CSMD3: variants seen among roughly 807,000 people sequenced by gnomAD.
The protein encoded by CSMD3 is CUB and Sushi multiple domains 3, also known as CUB and sushi domain-containing protein 3.
A neutral mutation model predicts 435.2 loss-of-function variants in CSMD3; 177 were observed. That is an observed-to-expected ratio of 0.41 (90% CI 0.36 to 0.46). The LOEUF (loss-of-function observed/expected upper bound fraction) is 0.46, where lower values mean the gene tolerates loss of function less well. CSMD3 is among the 20% of genes least tolerant of loss of function. The pLI is 0.34. For missense variants in CSMD3, 4,265 were observed against 4,504.6 expected, an observed-to-expected ratio of 0.95 and a Z score of 1.52; for synonymous variants, 1,656 against 1,520.5, an observed-to-expected ratio of 1.09 and a Z score of -2.07.
chr8:113,254,213 T>A (rs1481779530), intron 3 of CSMD3, among the ~76,000 whole-genome samples: 1 of 152,090 alleles, frequency 6.6e-6, no homozygotes, highest in Non-Finnish European at 1.5e-5. Flanking sequence ...GATAAGAGAG[T>A]CCTTGGTAAG....
chr8:112,349,784 C>A (rs1825980355), intron 40 of CSMD3, among the ~76,000 whole-genome samples: 1 of 152,044 alleles, frequency 6.6e-6, no homozygotes, highest in African/African-American at 2.4e-5. Context: ...ATGTACTTTG[C>A]CAATTAAACA....
chr8:113,172,136 T>C (rs2092278857), intron 4 of CSMD3, among the ~76,000 whole-genome samples: 1 of 152,188 alleles, frequency 6.6e-6, no homozygotes, highest in African/African-American at 2.4e-5. Context: ...ATCCTTTATT[T>C]CTGACTCAAC....
intron 31 of CSMD3, among the ~76,000 whole-genome samples, chr8:112,477,883 C>G (rs1253987871): frequency 6.6e-6 from 1 of 152,050 alleles, no homozygotes; most frequent in Non-Finnish European, 1.5e-5. Context: ...TGGCTGTGTC[C>G]CCAGCCAAAT....
intron 3 of CSMD3, among the ~76,000 whole-genome samples, chr8:113,253,563 T>C (rs144843997): frequency 2.2e-3 from 341 of 152,118 alleles, no homozygotes; most frequent in African/African-American, 7.9e-3. Context: ...AAAACTTGGC[T>C]GGGCGTGGTG....
intron 7 of CSMD3, among the ~76,000 whole-genome samples, chr8:112,967,172 C>A (rs542500276): frequency 1.1e-5 from 1 of 92,910 alleles, no homozygotes; most frequent in South Asian, 3.9e-4. Flanking sequence ...AAGACCTATA[C>A]TCCAAGAAAC....
At chr8:112,716,689 C>T (rs1459375394) in intron 13 of CSMD3, among the ~76,000 whole-genome samples, 2 of 152,192 alleles carry the variant, frequency 1.3e-5, no homozygotes, top group Admixed American at 6.5e-5. Context: ...TACAAGGCTA[C>T]GATTACCAAA....
intron 1 of CSMD3, among the ~76,000 whole-genome samples, chr8:113,367,342 G>A (rs1006738354): frequency 1.3e-5 from 2 of 151,696 alleles, no homozygotes; most frequent in Non-Finnish European, 2.9e-5. Context: ...CTATTATGAA[G>A]AAAGTAAAAT....
chr8:112,688,343 G>A (rs1331368510), intron 14 of CSMD3, among the ~76,000 whole-genome samples: 2 of 151,974 alleles, frequency 1.3e-5, no homozygotes, highest in East Asian at 1.9e-4. Context: ...CAATTTGTTA[G>A]TACCACACTC....
chr8:113,301,280 T>C (rs1206248636), intron 2 of CSMD3, among the ~76,000 whole-genome samples: 1 of 152,084 alleles, frequency 6.6e-6, no homozygotes, highest in Non-Finnish European at 1.5e-5. Context: ...GTTACAGACT[T>C]ATATATTATT....
At chr8:113,215,880 T>C (rs2092898936) in intron 3 of CSMD3, among the ~76,000 whole-genome samples, 1 of 151,770 alleles carries the variant, frequency 6.6e-6, no homozygotes, top group Admixed American at 6.6e-5. Flanking sequence ...TTTTATTTTA[T>C]ATCAGTCAAG....
At chr8:113,102,664 A>G (rs1217395873) in intron 4 of CSMD3, among the ~76,000 whole-genome samples, 6 of 152,136 alleles carry the variant, frequency 3.9e-5, no homozygotes, top group African/African-American at 1.4e-4. Flanking sequence ...AATAGTAAGC[A>G]GTAACTACAT....
chr8:113,265,258 G>A (rs2093460103), intron 3 of CSMD3, among the ~76,000 whole-genome samples: 1 of 151,380 alleles, frequency 6.6e-6, no homozygotes. Flanking sequence ...ATAAGTATGT[G>A]AGCCAATAAG....
intron 13 of CSMD3, among the ~76,000 whole-genome samples, chr8:112,779,283 T>A (rs1379844026): frequency 6.6e-6 from 1 of 151,966 alleles, no homozygotes; most frequent in African/African-American, 2.4e-5. Context: ...TATATTATTA[T>A]TTTAAAAGAT....
chr8:112,704,767 A>G (rs2076463303), intron 13 of CSMD3, among the ~76,000 whole-genome samples: 1 of 152,136 alleles, frequency 6.6e-6, no homozygotes, highest in Non-Finnish European at 1.5e-5. Flanking sequence ...TAATTTACAA[A>G]TGTACGTACT....
At chr8:112,399,610 C>A (rs570356686) in intron 35 of CSMD3, among the ~76,000 whole-genome samples, 40 of 152,212 alleles carry the variant, frequency 2.6e-4, no homozygotes, top group South Asian at 4.2e-4. Flanking sequence ...TCAAGAGAAG[C>A]CAAGCTGAAC....
At chr8:112,739,900 A>T (rs1445015976) in intron 13 of CSMD3, among the ~76,000 whole-genome samples, 1 of 151,830 alleles carries the variant, frequency 6.6e-6, no homozygotes, top group African/African-American at 2.4e-5. Context: ...TAATCTGGAT[A>T]TTATGCATAT....
intron 2 of CSMD3, chr8:113,309,916 A>C (rs987646286): frequency 3.3e-5 from 5 of 152,220 alleles, no homozygotes; most frequent in African/African-American, 1.2e-4. Context: ...ATATAGGAGA[A>C]GAATCCTTCT....
intron 13 of CSMD3, among the ~76,000 whole-genome samples, chr8:112,739,868 A>T (rs2077265200): frequency 6.6e-6 from 1 of 151,744 alleles, no homozygotes; most frequent in Admixed American, 6.6e-5. Flanking sequence ...TGTATTATGT[A>T]CTACATTTAT....
intron 10 of CSMD3, among the ~76,000 whole-genome samples, chr8:112,920,997 G>GCACACA (rs747366512): frequency 5.1e-4 from 59 of 114,974 alleles, no homozygotes; most frequent in South Asian, 1.1e-3. Context: ...ACGCGCGCGC[G>GCACACA]CACACACACA....
Sources: gnomAD v4.1 joint callset for allele counts (sites outside exome capture counted in the v4.1 genomes callset) on GRCh38, gnomAD v4.1.1 for gene constraint, MANE v1.5 for transcripts, NCBI Gene and HGNC (gene_info 2026-07-23, HGNC 2026-07-21) for gene names.